DNAH8: variants seen among roughly 807,000 people sequenced by gnomAD.
The protein encoded by DNAH8 is dynein axonemal heavy chain 8.
DNAH8 carries 382 observed loss-of-function variants against 562.1 expected under a neutral mutation model. That is an observed-to-expected ratio of 0.68 (90% CI 0.63 to 0.74). The LOEUF is 0.74. Ranked by LOEUF, DNAH8 falls within the 30% of genes least tolerant of loss-of-function variation. The probability of loss-of-function intolerance (pLI) is 0.00; values close to 1 mark genes in which losing one functional copy is unlikely to be tolerated. For missense variants in DNAH8, 5,203 were observed against 5,620.4 expected, an observed-to-expected ratio of 0.93 and a Z score of 2.37; for synonymous variants, 1,881 against 1,919.4, an observed-to-expected ratio of 0.98 and a Z score of 0.52.
intron 26 of DNAH8, among the ~76,000 whole-genome samples, chr6:38,820,203 G>A (rs1772697688): frequency 1.3e-5 from 2 of 152,158 alleles, no homozygotes; most frequent in Admixed American, 6.5e-5. Flanking sequence ...CCAGGCTAAT[G>A]AGGACCGTCT....
In DNAH8 at chr6:38,715,943, TATATATATATATA is replaced by T. The variant is rs1762275271; in HGVS notation, c.-35+529_-35+541del. Among the ~76,000 whole-genome samples the T allele has an allele frequency of 3.0e-4, 8 of 26,870 alleles. 1 individual carries two copies. Among genetic ancestry groups the T allele is most frequent in the Admixed American group, 8.2e-4 (2 of 2,436 alleles). The allele number at this position is 26,870 out of a possible 152,430, so 17.6% of individuals were successfully genotyped here. A position where few individuals can be genotyped will look rare whatever the true frequency, so the allele number is the denominator to read the frequency against. On this transcript the variant is annotated intron_variant, in intron 1 of 92. Coordinates refer to ENST00000327475, the MANE Select transcript of DNAH8 (RefSeq NM_001206927.2). ...ATAAATAAATATATATATATATATA[TATATATATATATA>T]TATATTTTTTTTTTTTTTTTGAGAC...
intron 9 of DNAH8, among the ~76,000 whole-genome samples, chr6:38,755,060 T>G (rs1765788120): frequency 6.6e-6 from 1 of 152,134 alleles, no homozygotes; most frequent in Non-Finnish European, 1.5e-5. Flanking sequence ...ACATTTTGTT[T>G]CTCTCTTTTT....
rs148877996 is a variant in DNAH8, at chr6:38,971,103, A to G, written c.12452-489A>G. Among the ~76,000 whole-genome samples, 642 of 152,334 alleles carry G rather than the reference A, an allele frequency of 4.2e-3. 5 individuals carry two copies. Among genetic ancestry groups the G allele is most frequent in the African/African-American group, 0.014 (593 of 41,568 alleles). The stretch of plus-strand genomic sequence containing the variant: ...CAGAAAAATGATCAAACATACAAAG[A>G]AAACCAAAACAAGCAGACAGAAAAC... On this transcript the variant is annotated intron_variant, in intron 82 of 92. Coordinates refer to ENST00000327475, the MANE Select transcript of DNAH8 (RefSeq NM_001206927.2).
chr6:38,872,107 G>A (rs1777514238), intron 49 of DNAH8, among the ~76,000 whole-genome samples: 1 of 152,154 alleles, frequency 6.6e-6, no homozygotes, highest in South Asian at 2.1e-4. Context: ...TACTTCTGGG[G>A]AATTAGAAGG....
intron 82 of DNAH8, among the ~76,000 whole-genome samples, chr6:38,954,988 G>T (rs1245939066): frequency 2.0e-5 from 3 of 152,096 alleles, no homozygotes; most frequent in African/African-American, 7.2e-5. Flanking sequence ...TTTCTTTTGA[G>T]ACAGGCTCCC....
intron 53 of DNAH8, among the ~76,000 whole-genome samples, chr6:38,879,331 C>T (rs1254139155): frequency 6.6e-6 from 1 of 152,014 alleles, no homozygotes; most frequent in Non-Finnish European, 1.5e-5. Flanking sequence ...ACCAATATTC[C>T]TCAGGAACAT....
In DNAH8 at chr6:38,848,798, T is replaced by C. The variant is rs1678744; in HGVS notation, c.5196T>C (p.Pro1732=). 35,409 of 1,612,938 alleles carry C rather than the reference T, an allele frequency of 0.022. 5,072 individuals carry two copies. In the African/African-American group the frequency reaches 0.36, roughly 16 times the overall value. Residue 1732 remains proline (P), a synonymous_variant, in exon 37 of 93, where the codon CCT becomes CCC. Transcript: ENST00000327475. ...GTGGAGATATTGCCAAACAGCTGCC[T>C]CAGGTAAATATGGCTTTTGTAATTA... ...FVGGDIAKQL[P]QEAKRFQNID...
At chr6:38,736,259 C>A (rs1764078850) in intron 5 of DNAH8, among the ~76,000 whole-genome samples, 1 of 152,156 alleles carries the variant, frequency 6.6e-6, no homozygotes, top group African/African-American at 2.4e-5. Context: ...GTTAACTTAG[C>A]TAAATATTTG....
At chr6:39,029,017 A>G (rs1767490510) in intron 92 of DNAH8, among the ~76,000 whole-genome samples, 1 of 152,176 alleles carries the variant, frequency 6.6e-6, no homozygotes, top group Non-Finnish European at 1.5e-5. Context: ...ACCATCCTCT[A>G]CATTTACCTA....
chr6:38,894,992 G>A (rs1419956822), intron 59 of DNAH8, 128 bp downstream of exon 59: 17 of 907,348 alleles, frequency 1.9e-5, no homozygotes, highest in East Asian at 1.4e-4. Context: ...GCAATGGTGC[G>A]ATCTCAGCTG....
chr6:38,828,921 A>C (rs780458267), intron 30 of DNAH8, among the ~76,000 whole-genome samples: 1 of 152,142 alleles, frequency 6.6e-6, no homozygotes, highest in Non-Finnish European at 1.5e-5. Flanking sequence ...GGCAACCACT[A>C]ATCTACTTTC....
chr6:38,734,665 G>T, intron 5 of DNAH8, 40 bp downstream of exon 5: 1 of 1,595,098 alleles, frequency 6.3e-7, no homozygotes, highest in South Asian at 1.1e-5. Flanking sequence ...GTTAAACATT[G>T]AATATATTTT....
At chr6:38,796,497 A>G (rs144606057) in intron 21 of DNAH8, among the ~76,000 whole-genome samples, 4,323 of 152,206 alleles carry the variant, frequency 0.028, 198 homozygotes, top group African/African-American at 0.096. Flanking sequence ...GAAAGAAGTA[A>G]AAACTAAAAG....
intron 82 of DNAH8, among the ~76,000 whole-genome samples, chr6:38,967,667 C>T (rs114603402): frequency 2.5e-3 from 377 of 152,234 alleles, no homozygotes; most frequent in Non-Finnish European, 4.7e-3. Context: ...GTTCATGGAT[C>T]AGGAGACTTT....
At chr6:38,794,394 T>A (rs982429928) in intron 21 of DNAH8, among the ~76,000 whole-genome samples, 6 of 152,226 alleles carry the variant, frequency 3.9e-5, no homozygotes, top group Non-Finnish European at 8.8e-5. Context: ...TTCTATGCTT[T>A]AAAAAAATTG....
At chr6:38,968,801 T>C (rs1763145328) in intron 82 of DNAH8, among the ~76,000 whole-genome samples, 1 of 152,056 alleles carries the variant, frequency 6.6e-6, no homozygotes, top group Admixed American at 6.6e-5. Flanking sequence ...CCCAAAAAAC[T>C]GAAAATATAC....
At chr6:38,990,601 G>A (rs985919560) in intron 88 of DNAH8, among the ~76,000 whole-genome samples, 2 of 152,128 alleles carry the variant, frequency 1.3e-5, no homozygotes, top group African/African-American at 4.8e-5. Context: ...ATTTCTGCCT[G>A]GTCCTCTCTT....
chr6:39,002,301 TAATG>T (rs1186742178), intron 88 of DNAH8, among the ~76,000 whole-genome samples: 15 of 152,184 alleles, frequency 9.9e-5, no homozygotes, highest in Non-Finnish European at 1.6e-4. Flanking sequence ...GTAGTGTACC[TAATG>T]CTAGAGAGAG....
intron 87 of DNAH8, among the ~76,000 whole-genome samples, chr6:38,984,945 G>T (rs13203863): frequency 1.3e-5 from 2 of 151,992 alleles, no homozygotes; most frequent in African/African-American, 4.8e-5. Context: ...TCCATCTTCC[G>T]CATTCCTGTG....
Sources: gnomAD v4.1 joint callset for allele counts (sites outside exome capture counted in the v4.1 genomes callset) on GRCh38, gnomAD v4.1.1 for gene constraint, MANE v1.5 for transcripts, NCBI Gene and HGNC (gene_info 2026-07-23, HGNC 2026-07-21) for gene names.